The following TXK variants were observed in gnomAD, a reference collection of about 807,000 sequenced individuals.
The protein encoded by TXK is tyrosine-protein kinase TXK.
Under a neutral mutation model 81.0 loss-of-function variants are expected in TXK, and 60 were observed. That is an observed-to-expected ratio of 0.74 (90% CI 0.60 to 0.92). The LOEUF is 0.92. TXK is among the 40% of genes least tolerant of loss of function. The pLI is 0.00. For missense variants in TXK, 581 were observed against 638.3 expected (o/e 0.91, Z 0.97); for synonymous variants, 203 against 210.7 (o/e 0.96, Z 0.32).
chr4:48,114,965 C>T (rs1718758011), intron 1 of TXK, among the ~76,000 whole-genome samples: 1 of 151,898 alleles, frequency 6.6e-6, no homozygotes, highest in Non-Finnish European at 1.5e-5. Flanking sequence ...AGGTCATACC[C>T]TGCATACCCC....
Position 48,093,935 on chromosome 4 carries a change from T to C in TXK, c.709+142A>G, listed in dbSNP as rs1717875274. ...AAGAGGCATCAATAAGAAAGATAAT[T>C]GCTCAAAAGATAAGTTGTACTTCAA... On this transcript the variant is annotated intron_variant, in intron 8 of 14. Transcript: ENST00000264316. The C allele has an allele frequency of 3.4e-6, 4 of 1,176,934 alleles. No homozygotes were observed. The African/African-American group carries it at 6.2e-5, about 18-fold the overall frequency. The allele number at this position is 1,176,934 out of a possible 1,614,324, so 72.9% of individuals were successfully genotyped here.
intron 6 of TXK, among the ~76,000 whole-genome samples, chr4:48,096,264 C>G (rs1283324465): frequency 2.6e-5 from 4 of 151,960 alleles, no homozygotes; most frequent in African/African-American, 7.3e-5. Flanking sequence ...TGTTACATAC[C>G]ACAGAGGACA....
Position 48,071,664 on chromosome 4 carries a change from C to T in TXK, c.1368G>A (p.Met456Ile). The change falls in exon 14 of 15, where the codon ATG (methionine) becomes ATA (isoleucine). Residue 456 changes from methionine (M) to isoleucine (I), a missense_variant. Transcript: ENST00000264316. ...KSDVWSFGVLMWEVFTEGKMP... is the reference protein window; with the variant it reads ...KSDVWSFGVLIWEVFTEGKMP... The stretch of plus-strand genomic sequence containing the variant: ...TTTTTCCTTCTGTAAAAACTTCCCA[C>T]ATTAAAACTCCTGCAAACAAAAATG... 1.9e-6 allele frequency: 3 copies of T among 1,613,878 alleles called. No individual in the cohort carries two copies. The highest frequency in any genetic ancestry group is 2.5e-6 in the Non-Finnish European group (3 of 1,179,922).
Position 48,127,386 on chromosome 4 carries a change from T to C in TXK, c.16+6769A>G, listed in dbSNP as rs527804158. 8.1e-4 allele frequency among the ~76,000 whole-genome samples: 124 copies of C among 152,308 alleles called. 1 individual carries two copies. Among genetic ancestry groups the C allele is most frequent in the African/African-American group, 2.6e-3 (109 of 41,570 alleles). ...AGCACAGGTGTTCCCAGTAAGTAAA[T>C]AGACAGCGCCCTTCCACAGGCATTC... On this transcript the variant is annotated intron_variant, in intron 1 of 14. Coordinates refer to ENST00000264316, the MANE Select transcript of TXK (RefSeq NM_003328.3).
Position 48,066,429 on chromosome 4 carries a change from T to C in TXK, c.*1208A>G, listed in dbSNP as rs77837852. 2 of 152,332 alleles carry C rather than the reference T, an allele frequency of 1.3e-5. No individual in the cohort carries two copies. The highest frequency in any genetic ancestry group is 1.9e-4 in the East Asian group (1 of 5,194). 9.4% of individuals were successfully genotyped at this position (152,332 alleles called of 1,614,324 possible). A position where few individuals can be genotyped will look rare whatever the true frequency, so the allele number is the denominator to read the frequency against. ...AATAATACACATTTATTGAATGTCA[T>C]TGATATATAAAGATACCATTCTTTG... is the stretch of plus-strand genomic sequence containing the variant. On this transcript the variant is annotated 3_prime_UTR_variant, in exon 15 of 15. Transcript: ENST00000264316.
chr4:48,101,265 A>T (rs1181187935), intron 6 of TXK, among the ~76,000 whole-genome samples: 3 of 152,210 alleles, frequency 2.0e-5, no homozygotes, highest in African/African-American at 7.2e-5. Flanking sequence ...CATTTCAAAA[A>T]GAAAAGGAAA....
At chr4:48,108,119 AG>A (rs1472500869) in intron 5 of TXK, among the ~76,000 whole-genome samples, 5 of 152,196 alleles carry the variant, frequency 3.3e-5, no homozygotes, top group Admixed American at 6.5e-5. Context: ...TTGTGGACTT[AG>A]GGTTGTTTAA....
rs1270604301 is a variant in TXK, at chr4:48,113,285, CA to C, written c.95del (p.Leu32ArgfsTer70). On this transcript the variant is annotated frameshift_variant, in exon 3 of 15. Transcript: ENST00000264316. LOFTEE classifies it high-confidence loss of function. ...TTTCTGGAAGCTCTTCATCTGTGCT[CA>C]GGCTTATCTGTGTTCTCATTTGTCT... ...QKRQMRTQIS[L>X]STDEELPEKY... 1.9e-6 allele frequency: 3 copies of C among 1,612,008 alleles called. No homozygotes were observed. The highest frequency in any genetic ancestry group is 3.3e-4 in the Middle Eastern group (2 of 6,078).
Position 48,114,387 on chromosome 4 carries a change from G to A in TXK, c.32C>T (p.Ser11Leu), listed in dbSNP as rs777320597. 11 of 1,613,980 alleles carry A rather than the reference G, an allele frequency of 6.8e-6. No homozygotes were observed. The highest frequency in any genetic ancestry group is 1.6e-4 in the Middle Eastern group (1 of 6,084). The change falls in exon 2 of 15, where the codon TCG becomes TTG. Residue 11 changes from serine (S) to leucine (L), a missense_variant. By Grantham distance (145) the Ser-to-Leu change is moderately radical. Transcript: ENST00000264316. MILSSYNTIQ[S>L]VFCCCCCCSV... The stretch of plus-strand genomic sequence containing the variant: ...ACAGCAACAGCAGCAACAGAAAACC[G>A]ACTGGATGGTGTTATCTGAAAAGCA...
chr4:48,107,166 T>C (rs543500148), intron 5 of TXK, among the ~76,000 whole-genome samples: 1 of 151,416 alleles, frequency 6.6e-6, no homozygotes, highest in Admixed American at 6.6e-5. Context: ...GTATGTTGAG[T>C]TTGAATTAAG....
intron 1 of TXK, among the ~76,000 whole-genome samples, chr4:48,129,416 AAG>A (rs1294506496): frequency 6.6e-6 from 1 of 152,134 alleles, no homozygotes; most frequent in Non-Finnish European, 1.5e-5. Context: ...ACTGGTGACT[AAG>A]AGAAAACAAG....
chr4:48,067,679 G>A lies in TXK; in HGVS notation c.1542C>T (p.Ala514=), dbSNP rs2230594. 1.7e-5 allele frequency: 27 copies of A among 1,613,758 alleles called. No homozygotes were observed. The highest frequency in any genetic ancestry group is 2.2e-5 in the Non-Finnish European group (26 of 1,179,954). The change falls in exon 15 of 15, where the codon GCC becomes GCT. Residue 514 remains alanine, a synonymous_variant. Transcript: ENST00000264316. ...TCTCTGTGACAGCCCGCAGCAGCTC[G>A]GCAAATGTAGGGCGGCCTTCAGGTT... ...HEKPEGRPTF[A]ELLRAVTEIA... is the part of the protein sequence containing the mutation.
intron 6 of TXK, among the ~76,000 whole-genome samples, chr4:48,098,096 G>A (rs1381163386): frequency 6.6e-6 from 1 of 151,948 alleles, no homozygotes. Flanking sequence ...ACAATGTACC[G>A]AACCTTAAAG....
intron 1 of TXK, among the ~76,000 whole-genome samples, chr4:48,118,502 A>G (rs917304773): frequency 1.3e-5 from 2 of 152,180 alleles, no homozygotes; most frequent in African/African-American, 4.8e-5. Flanking sequence ...AGTACGCATG[A>G]CTGATTTCAC....
rs1708298216 is a variant in TXK, at chr4:48,110,595, C to T, written c.389G>A (p.Gly130Asp). 6.2e-7 allele frequency: 1 copy of T among 1,611,878 alleles called. No homozygotes were observed. The highest frequency in any genetic ancestry group is 1.3e-5 in the African/African-American group (1 of 74,964). Residue 130 changes from glycine to aspartate, a missense_variant, in exon 5 of 15, where the codon GGC becomes GAC. By Grantham distance (94) the Gly-to-Asp change is moderately conservative. Coordinates refer to ENST00000264316, the MANE Select transcript of TXK (RefSeq NM_003328.3). ...AGTCACATAGTTGCTTGGGATTAAGCCTTCATTCCTACAACAAAAGAAAAA... is the reference window on the plus strand; with the variant it reads ...AGTCACATAGTTGCTTGGGATTAAGTCTTCATTCCTACAACAAAAGAAAAA... ...WKARDRLGNE[G>D]LIPSNYVTEN...
chr4:48,076,968 A>C (rs56672591), intron 11 of TXK, among the ~76,000 whole-genome samples: 1 of 152,210 alleles, frequency 6.6e-6, no homozygotes, highest in African/African-American at 2.4e-5. Context: ...TGATACAACT[A>C]TGAATCTTGG....
intron 10 of TXK, among the ~76,000 whole-genome samples, chr4:48,083,361 C>T (rs1476279735): frequency 6.6e-6 from 1 of 152,178 alleles, no homozygotes; most frequent in Non-Finnish European, 1.5e-5. Context: ...TGTTGTCCTG[C>T]CTTTCCAGAC....
chr4:48,102,954 A>G (rs1215830573), intron 6 of TXK, among the ~76,000 whole-genome samples: 2 of 152,228 alleles, frequency 1.3e-5, no homozygotes, highest in African/African-American at 4.8e-5. Flanking sequence ...TGGACAAAAC[A>G]GGAACATACC....
At chr4:48,124,231 C>T (rs1196235121) in intron 1 of TXK, among the ~76,000 whole-genome samples, 1 of 152,066 alleles carries the variant, frequency 6.6e-6, no homozygotes. Context: ...GCATCTCTGG[C>T]CTTTATGCAC....
Sources: gnomAD v4.1 joint callset for allele counts (sites outside exome capture counted in the v4.1 genomes callset) on GRCh38, gnomAD v4.1.1 for gene constraint, MANE v1.5 for transcripts, NCBI Gene and HGNC (gene_info 2026-07-23, HGNC 2026-07-21) for gene names.